DPH6: variants seen among roughly 807,000 people sequenced by gnomAD.
DPH6 encodes diphthamine biosynthesis 6.
DPH6 carries 33 observed loss-of-function variants against 38.2 expected under a neutral mutation model. The observed-to-expected ratio is 0.86, with a 90% confidence interval of 0.65 to 1.15. The LOEUF (loss-of-function observed/expected upper bound fraction) is 1.15, where lower values mean the gene tolerates loss of function less well. Among genes scored for constraint, DPH6 ranks in the 50% most tolerant of loss-of-function variants. The pLI, the probability that DPH6 is intolerant of heterozygous loss-of-function variation, is 0.00. For missense variants in DPH6, 325 were observed against 320.0 expected, an observed-to-expected ratio of 1.02 and a Z score of -0.12; for synonymous variants, 108 against 103.0, an observed-to-expected ratio of 1.05 and a Z score of -0.30.
intron 3 of DPH6, among the ~76,000 whole-genome samples, chr15:35,493,248 G>A (rs2054507166): frequency 6.6e-6 from 1 of 152,144 alleles, no homozygotes; most frequent in Non-Finnish European, 1.5e-5. Context: ...TATTAAATGA[G>A]TGTATTGTAT....
intron 3 of DPH6, among the ~76,000 whole-genome samples, chr15:35,261,648 T>C (rs575417519): frequency 1.6e-4 from 25 of 151,738 alleles, no homozygotes; most frequent in African/African-American, 6.0e-4. Context: ...GCCTGGGCAA[T>C]ATAGTGGGAC....
intron 5 of DPH6, among the ~76,000 whole-genome samples, chr15:35,431,227 A>G (rs2053628984): frequency 6.6e-6 from 1 of 152,224 alleles, no homozygotes; most frequent in African/African-American, 2.4e-5. Context: ...AAAGTCATTC[A>G]TAATTACCCC....
intron 3 of DPH6, among the ~76,000 whole-genome samples, chr15:35,275,950 CTGGGTAGAT>C (rs2051856000): frequency 6.6e-6 from 1 of 152,050 alleles, no homozygotes; most frequent in Non-Finnish European, 1.5e-5. Flanking sequence ...TTCTTTTCCT[CTGGGTAGAT>C]ACACAGTAGT....
At chr15:35,370,698 G>A (rs1208022012), downstream of DPH6, among the ~76,000 whole-genome samples, 1 of 151,700 alleles carries the variant, frequency 6.6e-6, no homozygotes, top group Non-Finnish European at 1.5e-5. Flanking sequence ...ATGCTGGTCA[G>A]GAGGTGGAAC....
intron 3 of DPH6, among the ~76,000 whole-genome samples, chr15:35,279,068 A>AAAAAAAAAAAATAAATATAT (rs1555390826): frequency 9.7e-6 from 1 of 102,974 alleles, no homozygotes; most frequent in Non-Finnish European, 1.8e-5. Flanking sequence ...AAAAAAAAAA[A>AAAAAAAAAAAATAAATATAT]ATATATATAT....
At chr15:35,464,488 A>G (rs552405047) in intron 3 of DPH6, among the ~76,000 whole-genome samples, 2 of 152,304 alleles carry the variant, frequency 1.3e-5, no homozygotes, top group South Asian at 4.1e-4. Flanking sequence ...ATAGCAGATA[A>G]CAGCTCCTAC....
the DPH6 span, among the ~76,000 whole-genome samples, chr15:35,212,106 A>C: frequency 6.6e-6 from 1 of 152,194 alleles, no homozygotes; most frequent in Non-Finnish European, 1.5e-5. Flanking sequence ...AGGCGCCCAG[A>C]TACATCTTGT....
At chr15:35,391,888 GGTACC>G (rs1047909470) in intron 6 of DPH6, among the ~76,000 whole-genome samples, 2 of 152,160 alleles carry the variant, frequency 1.3e-5, no homozygotes, top group Non-Finnish European at 2.9e-5. Context: ...AGAGGAACCC[GGTACC>G]TCATTTGGAA....
intron 6 of DPH6, among the ~76,000 whole-genome samples, chr15:35,383,482 G>A (rs561447666): frequency 1.3e-5 from 2 of 152,168 alleles, no homozygotes; most frequent in Non-Finnish European, 2.9e-5. Context: ...ACAAGATAAC[G>A]AGACAACCTT....
intron 3 of DPH6, among the ~76,000 whole-genome samples, chr15:35,497,502 A>G (rs1034914640): frequency 1.3e-5 from 2 of 152,228 alleles, no homozygotes; most frequent in Admixed American, 1.3e-4. Flanking sequence ...AGGGTTAACC[A>G]TAAGTTTTTA....
intron 6 of DPH6, among the ~76,000 whole-genome samples, chr15:35,382,353 G>A (rs1363628913): frequency 1.3e-5 from 2 of 152,168 alleles, no homozygotes; most frequent in Non-Finnish European, 2.9e-5. Context: ...GGAGAATGGC[G>A]TAAACCCGGG....
intron 6 of DPH6, among the ~76,000 whole-genome samples, chr15:35,403,308 A>C (rs1821149295): frequency 6.6e-6 from 1 of 152,042 alleles, no homozygotes; most frequent in Non-Finnish European, 1.5e-5. Flanking sequence ...TAAATTTTGC[A>C]TTAAAAATTG....
rs571530255 is a variant in DPH6 at position 35,419,894 on chromosome 15, T to C, written c.506-8998A>G. ...TTGGATAAAACTTCCAGACAGAAAATCAATAAGGAAACATTGGGCTTGAAC... is the reference window on the plus strand; with the variant it reads ...TTGGATAAAACTTCCAGACAGAAAACCAATAAGGAAACATTGGGCTTGAAC... On this transcript the variant is annotated intron_variant, in intron 5 of 8. Coordinates refer to ENST00000256538, the MANE Select transcript of DPH6 (RefSeq NM_080650.4). Among the ~76,000 whole-genome samples the C allele has an allele frequency of 1.0e-3, 155 of 151,934 alleles. 1 individual carries two copies. The highest frequency in any genetic ancestry group is 3.6e-3 in the African/African-American group (150 of 41,442).
At chr15:35,315,362 T>G (rs2052179793) in intron 3 of DPH6, among the ~76,000 whole-genome samples, 1 of 152,228 alleles carries the variant, frequency 6.6e-6, no homozygotes, top group Non-Finnish European at 1.5e-5. Context: ...ATAAACAAAC[T>G]TATTTCTTAT....
At chr15:35,359,425 A>G (rs1226758070) in intron 3 of DPH6, among the ~76,000 whole-genome samples, 2 of 152,124 alleles carry the variant, frequency 1.3e-5, no homozygotes, top group South Asian at 2.1e-4. Flanking sequence ...AAATTGTTAC[A>G]AAGTTCAGCT....
At chr15:35,421,789 T>G (rs1014112428) in intron 5 of DPH6, among the ~76,000 whole-genome samples, 3 of 152,064 alleles carry the variant, frequency 2.0e-5, no homozygotes, top group African/African-American at 7.2e-5. Flanking sequence ...CAAAGAACAC[T>G]GAGAAATTCA....
At chr15:35,250,054 T>C (rs1008133687) in intron 3 of DPH6, among the ~76,000 whole-genome samples, 9 of 151,590 alleles carry the variant, frequency 5.9e-5, no homozygotes, top group African/African-American at 2.2e-4. Flanking sequence ...GGTGGGCACC[T>C]GTAGTCTCAG....
chr15:35,476,555 C>T (rs1276800451), intron 3 of DPH6, among the ~76,000 whole-genome samples: 1 of 151,718 alleles, frequency 6.6e-6, no homozygotes, highest in Non-Finnish European at 1.5e-5. Context: ...CACAAAAGCA[C>T]AAAGATTCTA....
intron 3 of DPH6, among the ~76,000 whole-genome samples, chr15:35,239,254 C>A (rs2051580339): frequency 7.0e-6 from 1 of 143,424 alleles, no homozygotes; most frequent in Non-Finnish European, 1.5e-5. Flanking sequence ...CCTCACTATC[C>A]CTCAACCTCT....
Sources: allele counts gnomAD v4.1 joint callset (sites outside exome capture counted in the v4.1 genomes callset), GRCh38; gene constraint gnomAD v4.1.1; transcripts MANE v1.5; gene names NCBI Gene and HGNC (gene_info 2026-07-23, HGNC 2026-07-21).